The following LDLRAD3 variants were observed in gnomAD, a reference collection of about 807,000 sequenced individuals.
LDLRAD3 encodes the protein low-density lipoprotein receptor class A domain-containing protein 3.
LDLRAD3 carries 20 observed loss-of-function variants against 29.4 expected under a neutral mutation model. The observed-to-expected ratio is 0.68, with a 90% confidence interval of 0.48 to 0.99. The LOEUF (loss-of-function observed/expected upper bound fraction) is 0.99, where lower values mean the gene tolerates loss of function less well. Among genes scored for constraint, LDLRAD3 ranks in the 50% least tolerant of loss-of-function variants. LDLRAD3 has a pLI of 0.00. For missense variants in LDLRAD3, 420 were observed against 454.3 expected, an observed-to-expected ratio of 0.92 and a Z score of 0.69; for synonymous variants, 157 against 192.7, an observed-to-expected ratio of 0.81 and a Z score of 1.53.
At chr11:36,123,108 G>A (rs1428189340) in intron 4 of LDLRAD3, among the ~76,000 whole-genome samples, 1 of 152,082 alleles carries the variant, frequency 6.6e-6, no homozygotes, top group Non-Finnish European at 1.5e-5. Flanking sequence ...GATCACTTGA[G>A]CCCAGGAGGT....
intron 4 of LDLRAD3, among the ~76,000 whole-genome samples, chr11:36,223,025 T>G (rs1855450848): frequency 1.3e-5 from 2 of 152,204 alleles, no homozygotes. Flanking sequence ...TATCCATGGA[T>G]TATGCACTTG....
At chr11:36,057,621 G>A (rs1253997358) in intron 2 of LDLRAD3, among the ~76,000 whole-genome samples, 3 of 152,136 alleles carry the variant, frequency 2.0e-5, no homozygotes, top group African/African-American at 4.8e-5. Context: ...CTGCCTCTTC[G>A]TCTTCTCTCC....
chr11:36,003,250 G>C (rs558352968), intron 1 of LDLRAD3, among the ~76,000 whole-genome samples: 1 of 152,320 alleles, frequency 6.6e-6, no homozygotes, highest in East Asian at 1.9e-4. Flanking sequence ...ATTAGAGTGA[G>C]TGTGTGTCAC....
chr11:36,035,075 T>C (rs977630110), intron 1 of LDLRAD3, among the ~76,000 whole-genome samples: 1 of 152,180 alleles, frequency 6.6e-6, no homozygotes, highest in Non-Finnish European at 1.5e-5. Flanking sequence ...TCTCTGCATC[T>C]TTAGAACATA....
Position 36,226,183 on chromosome 11 carries a change from A to G in LDLRAD3, c.455-902A>G, listed in dbSNP as rs2133393360. 2.0e-5 allele frequency among the ~76,000 whole-genome samples: 3 copies of G among 152,336 alleles called. No individual in the cohort carries two copies. The South Asian group carries it at 6.2e-4, about 32-fold the overall frequency. On this transcript the variant is annotated intron_variant, in intron 4 of 5. Transcript: ENST00000315571. Reference sequence around the variant, plus strand: ...TCAGGGGCCTGATGAGTATTGACTCATTTCAGGCTCACAGAAGCCCCAAGA... The same window carrying G: ...TCAGGGGCCTGATGAGTATTGACTCGTTTCAGGCTCACAGAAGCCCCAAGA...
intron 3 of LDLRAD3, among the ~76,000 whole-genome samples, chr11:36,096,640 A>T (rs1590263857): frequency 1.3e-5 from 2 of 152,256 alleles, no homozygotes; most frequent in South Asian, 4.1e-4. Flanking sequence ...ATATCATTTG[A>T]TGTGCAGATT....
chr11:36,093,097 T>C (rs960505293), intron 3 of LDLRAD3, among the ~76,000 whole-genome samples: 11 of 152,158 alleles, frequency 7.2e-5, no homozygotes, highest in African/African-American at 2.7e-4. Context: ...TAAGAGGTGT[T>C]TGTGGACCAG....
chr11:36,108,776 A>G (rs978496797), intron 4 of LDLRAD3, among the ~76,000 whole-genome samples: 3 of 152,238 alleles, frequency 2.0e-5, no homozygotes, highest in African/African-American at 7.2e-5. Flanking sequence ...AAGAAAAGCC[A>G]GAGCTAGATG....
intron 4 of LDLRAD3, among the ~76,000 whole-genome samples, chr11:36,186,419 T>C (rs1000823612): frequency 6.6e-5 from 10 of 152,184 alleles, no homozygotes; most frequent in Admixed American, 3.9e-4. Flanking sequence ...AGCTAACAGC[T>C]CCCATTTTGA....
intron 4 of LDLRAD3, among the ~76,000 whole-genome samples, chr11:36,115,399 C>T (rs771916934): frequency 1.6e-4 from 24 of 152,192 alleles, no homozygotes; most frequent in African/African-American, 2.4e-4. Context: ...TCAGTGTGCT[C>T]GTCTTGATAG....
At chr11:36,054,450 A>C (rs1278763667) in intron 2 of LDLRAD3, among the ~76,000 whole-genome samples, 1 of 152,234 alleles carries the variant, frequency 6.6e-6, no homozygotes. Flanking sequence ...AAGGTAGAAG[A>C]GCAGCTCTTC....
At chr11:36,202,069 A>C (rs1458340971) in intron 4 of LDLRAD3, among the ~76,000 whole-genome samples, 1 of 128,984 alleles carries the variant, frequency 7.8e-6, no homozygotes, top group African/African-American at 3.0e-5. Context: ...TTTAAGACGG[A>C]GTTTCACTCT....
intron 4 of LDLRAD3, among the ~76,000 whole-genome samples, chr11:36,132,310 G>A (rs79037011): frequency 0.019 from 2,904 of 152,212 alleles, 81 homozygotes; most frequent in African/African-American, 0.066. Flanking sequence ...TCAATAACCC[G>A]TTTTTGTGTG....
intron 2 of LDLRAD3, among the ~76,000 whole-genome samples, chr11:36,044,750 C>G (rs145300096): frequency 1.1e-4 from 17 of 152,336 alleles, no homozygotes; most frequent in Non-Finnish European, 2.1e-4. Flanking sequence ...TGAGGTGAGC[C>G]AGGCTCTTGA....
At chr11:36,212,937 G>C (rs2133382865) in intron 4 of LDLRAD3, among the ~76,000 whole-genome samples, 1 of 152,320 alleles carries the variant, frequency 6.6e-6, no homozygotes, top group African/African-American at 2.4e-5. Context: ...TAGGCAGATA[G>C]AAAACCTCTG....
intron 2 of LDLRAD3, among the ~76,000 whole-genome samples, chr11:36,057,546 G>T (rs1460190297): frequency 1.3e-5 from 2 of 152,054 alleles, no homozygotes; most frequent in African/African-American, 4.8e-5. Context: ...TCTCTTAGTT[G>T]TCAGATCCAG....
intron 4 of LDLRAD3, among the ~76,000 whole-genome samples, chr11:36,169,050 A>C (rs1854558038): frequency 6.6e-6 from 1 of 152,104 alleles, no homozygotes; most frequent in South Asian, 2.1e-4. Context: ...CTCCCAGAAG[A>C]GTTGTCTTAT....
intron 4 of LDLRAD3, among the ~76,000 whole-genome samples, chr11:36,162,934 T>C (rs1037992408): frequency 6.6e-6 from 1 of 152,190 alleles, no homozygotes; most frequent in South Asian, 2.1e-4. Context: ...CCACAAGGGC[T>C]CAGCAGCTGT....
intron 2 of LDLRAD3, among the ~76,000 whole-genome samples, chr11:36,076,972 TA>T (rs1853022028): frequency 6.6e-6 from 1 of 152,208 alleles, no homozygotes; most frequent in Non-Finnish European, 1.5e-5. Context: ...CAGTTATGTT[TA>T]CTTGTTATTG....
Sources: gnomAD v4.1 joint callset for allele counts (sites outside exome capture counted in the v4.1 genomes callset) on GRCh38, gnomAD v4.1.1 for gene constraint, MANE v1.5 for transcripts, NCBI Gene and HGNC (gene_info 2026-07-23, HGNC 2026-07-21) for gene names.